The following STXBP5L variants were observed in gnomAD, a reference collection of about 807,000 sequenced individuals.
STXBP5L encodes the protein syntaxin-binding protein 5-like.
STXBP5L carries 65 observed loss-of-function variants against 144.5 expected under a neutral mutation model. The ratio of observed to expected loss-of-function variants is 0.45; its 90% CI spans 0.37 to 0.55. STXBP5L has a LOEUF of 0.55. Among genes scored for constraint, STXBP5L ranks in the 20% least tolerant of loss-of-function variants. The pLI, the probability that STXBP5L is intolerant of heterozygous loss-of-function variation, is 0.00. For synonymous variants in STXBP5L, 505 were observed against 469.6 expected, an observed-to-expected ratio of 1.08 and a Z score of -0.97; for missense variants, 1,298 against 1,405.5, an observed-to-expected ratio of 0.92 and a Z score of 1.22.
At chr3:121,327,772 T>C (rs918393863) in intron 20 of STXBP5L, among the ~76,000 whole-genome samples, 1 of 152,240 alleles carries the variant, frequency 6.6e-6, no homozygotes, top group Non-Finnish European at 1.5e-5. Context: ...TGCTACAGCA[T>C]GTTAAAGTAA....
intron 3 of STXBP5L, among the ~76,000 whole-genome samples, chr3:120,980,166 G>T (rs1329760518): frequency 1.3e-5 from 2 of 152,138 alleles, no homozygotes; most frequent in Admixed American, 6.6e-5. Context: ...GATGTTTCAT[G>T]TGCAGAACAG....
chr3:121,287,924 A>G (rs1436538905), intron 19 of STXBP5L, among the ~76,000 whole-genome samples: 3 of 152,236 alleles, frequency 2.0e-5, no homozygotes, highest in Non-Finnish European at 4.4e-5. Flanking sequence ...TTTATGTCTC[A>G]CAAAACTCAA....
At chr3:121,005,221 A>G (rs1475643081) in intron 3 of STXBP5L, among the ~76,000 whole-genome samples, 1 of 152,142 alleles carries the variant, frequency 6.6e-6, no homozygotes, top group Admixed American at 6.5e-5. Context: ...TATTGCCTCA[A>G]TTTCAGAGCC....
chr3:120,941,067 G>A (rs1710544588), intron 2 of STXBP5L, among the ~76,000 whole-genome samples: 1 of 151,744 alleles, frequency 6.6e-6, no homozygotes, highest in African/African-American at 2.4e-5. Flanking sequence ...TACATAATAT[G>A]TTCAACTTAC....
intron 19 of STXBP5L, among the ~76,000 whole-genome samples, chr3:121,294,595 G>A (rs1003323112): frequency 2.0e-5 from 3 of 151,578 alleles, no homozygotes; most frequent in African/African-American, 7.3e-5. Context: ...AGAAGGGTGG[G>A]GGAAGGAGGA....
chr3:121,237,863 T>A (rs2049533948), intron 12 of STXBP5L, among the ~76,000 whole-genome samples: 1 of 152,202 alleles, frequency 6.6e-6, no homozygotes, highest in African/African-American at 2.4e-5. Flanking sequence ...TTTGCTACAG[T>A]GCAACAATGG....
chr3:120,979,811 G>T (rs1209618075), intron 3 of STXBP5L, among the ~76,000 whole-genome samples: 1 of 152,162 alleles, frequency 6.6e-6, no homozygotes, highest in African/African-American at 2.4e-5. Context: ...AGGTGTGACT[G>T]TAGATTGTCA....
chr3:121,014,622 G>T (rs902317846), intron 3 of STXBP5L, among the ~76,000 whole-genome samples: 1 of 151,698 alleles, frequency 6.6e-6, no homozygotes, highest in Non-Finnish European at 1.5e-5. Flanking sequence ...GGTGTCTTAT[G>T]GCAAATATAT....
intron 5 of STXBP5L, among the ~76,000 whole-genome samples, chr3:121,059,102 T>C (rs539838145): frequency 6.6e-6 from 1 of 152,342 alleles, no homozygotes; most frequent in South Asian, 2.1e-4. Flanking sequence ...TTTTATGATT[T>C]TAGGTCTTAC....
chr3:120,983,373 C>G (rs780063472), intron 3 of STXBP5L, among the ~76,000 whole-genome samples: 1 of 152,090 alleles, frequency 6.6e-6, no homozygotes, highest in Non-Finnish European at 1.5e-5. Context: ...TTGCTCACTT[C>G]TCTGTCCCAC....
intron 25 of STXBP5L, among the ~76,000 whole-genome samples, chr3:121,417,628 G>A (rs964303961): frequency 1.3e-5 from 2 of 152,026 alleles, no homozygotes; most frequent in Admixed American, 6.6e-5. Context: ...ACCACTCCCG[G>A]CTAATTTTGT....
intron 10 of STXBP5L, among the ~76,000 whole-genome samples, chr3:121,208,708 A>G (rs1417786103): frequency 6.6e-6 from 1 of 152,206 alleles, no homozygotes; most frequent in Non-Finnish European, 1.5e-5. Flanking sequence ...ATTAAGGTGC[A>G]GGACACTATA....
rs183189486 is a variant in STXBP5L, at chr3:121,087,158, G to T, written c.471-27767G>T. On this transcript the variant is annotated intron_variant, in intron 5 of 26. Transcript: ENST00000471454. ...ATGCTAGAAAAATAATGTCTATTTT[G>T]CTGTTGTTGACAGATTATTCTGTAA... Among the ~76,000 whole-genome samples the T allele has an allele frequency of 4.8e-3, 728 of 152,076 alleles. 6 individuals are homozygous for T. The highest frequency in any genetic ancestry group is 0.017 in the African/African-American group (704 of 41,500).
At chr3:121,098,732 G>T (rs2043261625) in intron 5 of STXBP5L, among the ~76,000 whole-genome samples, 1 of 152,188 alleles carries the variant, frequency 6.6e-6, no homozygotes, top group Admixed American at 6.6e-5. Context: ...CTGCAAGGAT[G>T]ATGGGTCCTC....
intron 12 of STXBP5L, among the ~76,000 whole-genome samples, chr3:121,234,404 C>T (rs954726875): frequency 6.6e-6 from 1 of 152,082 alleles, no homozygotes; most frequent in African/African-American, 2.4e-5. Context: ...ATATCACTTC[C>T]TTATTTAAAA....
intron 3 of STXBP5L, among the ~76,000 whole-genome samples, chr3:121,006,542 C>A (rs1235070162): frequency 6.6e-6 from 1 of 152,070 alleles, no homozygotes; most frequent in Non-Finnish European, 1.5e-5. Flanking sequence ...GGCATTTAGC[C>A]CATTTACATT....
At chr3:121,065,026 G>C (rs191653947) in intron 5 of STXBP5L, among the ~76,000 whole-genome samples, 1 of 151,454 alleles carries the variant, frequency 6.6e-6, no homozygotes, top group African/African-American at 2.4e-5. Flanking sequence ...AATTCTTTTA[G>C]GATTATTGCC....
At chr3:121,309,007 A>G (rs951475024) in intron 19 of STXBP5L, among the ~76,000 whole-genome samples, 2 of 152,100 alleles carry the variant, frequency 1.3e-5, no homozygotes, top group African/African-American at 4.8e-5. Context: ...ACTCCAGAAA[A>G]TATGGTGAAA....
intron 20 of STXBP5L, among the ~76,000 whole-genome samples, chr3:121,338,741 A>G (rs918025482): frequency 6.6e-5 from 10 of 152,074 alleles, no homozygotes; most frequent in African/African-American, 2.4e-4. Flanking sequence ...CAGGAATACA[A>G]AAGATTATTT....
Sources: gnomAD v4.1 joint callset for allele counts (sites outside exome capture counted in the v4.1 genomes callset) on GRCh38, gnomAD v4.1.1 for gene constraint, MANE v1.5 for transcripts, NCBI Gene and HGNC (gene_info 2026-07-23, HGNC 2026-07-21) for gene names.